CCSER1: variants seen among roughly 807,000 people sequenced by gnomAD.
CCSER1 encodes serine-rich coiled-coil domain-containing protein 1.
CCSER1 carries 41 observed loss-of-function variants against 82.0 expected under a neutral mutation model. The observed-to-expected ratio is 0.50, with a 90% CI of 0.39 to 0.65. CCSER1 has a LOEUF of 0.65. Among genes scored for constraint, CCSER1 ranks in the 30% least tolerant of loss-of-function variants. The pLI is 0.00. For synonymous variants in CCSER1, 414 were observed against 383.9 expected, an observed-to-expected ratio of 1.08 and a Z score of -0.92; for missense variants, 1,119 against 1,064.2, an observed-to-expected ratio of 1.05 and a Z score of -0.72.
chr4:90,587,361 C>G (rs1195907333), intron 5 of CCSER1, among the ~76,000 whole-genome samples: 1 of 152,098 alleles, frequency 6.6e-6, no homozygotes, highest in Non-Finnish European at 1.5e-5. Context: ...CCTGTAATTC[C>G]AGCACTTTGG....
intron 8 of CCSER1, among the ~76,000 whole-genome samples, chr4:90,892,372 A>G (rs1030317405): frequency 5.3e-5 from 8 of 152,066 alleles, no homozygotes; most frequent in Non-Finnish European, 1.0e-4. Flanking sequence ...AAAGTCACAT[A>G]AAGCTGTAAA....
intron 10 of CCSER1, among the ~76,000 whole-genome samples, chr4:91,264,316 T>TA (rs563043247): frequency 2.2e-4 from 33 of 151,828 alleles, no homozygotes; most frequent in African/African-American, 7.7e-4. Context: ...GCTTGCACAA[T>TA]AAAAAAATCA....
chr4:91,002,686 T>C (rs1255130331), intron 9 of CCSER1, among the ~76,000 whole-genome samples: 2 of 152,194 alleles, frequency 1.3e-5, no homozygotes, highest in Non-Finnish European at 1.5e-5. Flanking sequence ...AGATTGGGCT[T>C]TGCCTTTCTC....
chr4:91,013,550 T>A lies in CCSER1; in HGVS notation c.2173-72400T>A, dbSNP rs1434496629. Among the ~76,000 whole-genome samples the A allele has an allele frequency of 1.2e-4, 16 of 130,800 alleles. 3 individuals carry two copies. The highest frequency in any genetic ancestry group is 2.3e-4 in the African/African-American group (9 of 39,774). The allele number at this position is 130,800 out of a possible 152,430, so 85.8% of individuals were successfully genotyped here. ...TCTCAAGACATATATATATATATAT[T>A]TTTTTGCTAGTCTGTCTGTTTCCAT... On this transcript the variant is annotated intron_variant, in intron 9 of 10. Transcript: ENST00000509176.
intron 5 of CCSER1, among the ~76,000 whole-genome samples, chr4:90,599,680 C>T (rs531369354): frequency 6.6e-6 from 1 of 152,296 alleles, no homozygotes; most frequent in South Asian, 2.1e-4. Flanking sequence ...AGTTTCTGTG[C>T]TCCACAGGGT....
chr4:90,712,645 G>A (rs554751419), intron 6 of CCSER1, among the ~76,000 whole-genome samples: 95 of 151,482 alleles, frequency 6.3e-4, no homozygotes, highest in African/African-American at 2.0e-3. Flanking sequence ...GTAGATATCC[G>A]TCAGGTCCAC....
Position 91,598,830 on chromosome 4 carries a change from G to A in CCSER1, c.2476G>A (p.Gly826Arg), listed in dbSNP as rs1040010716. ...TACACAGAACTTACGGGCCACCGTT[G>A]GGCAGAGCTCTCTGAAGCCAACAGC... ...DVTQNLRATV[G>R]QSSLKPTAKT... The change falls in exon 11 of 11, where the codon GGG (glycine) becomes AGG (arginine). Residue 826 changes from glycine (G) to arginine (R), a missense_variant. By Grantham distance (125) the Gly-to-Arg change is moderately radical (BLOSUM62 -2). Transcript: ENST00000509176. 5.8e-6 allele frequency: 9 copies of A among 1,551,552 alleles called. No individual in the cohort carries two copies. In the East Asian group the frequency reaches 2.2e-4, roughly 38 times the overall value.
At chr4:90,287,507 C>G (rs555206781) in intron 1 of CCSER1, among the ~76,000 whole-genome samples, 1 of 151,722 alleles carries the variant, frequency 6.6e-6, no homozygotes, top group African/African-American at 2.4e-5. Flanking sequence ...CCTCACTGTT[C>G]TGCATTATTT....
chr4:91,271,735 C>T (rs1426513470), intron 10 of CCSER1, among the ~76,000 whole-genome samples: 6 of 151,570 alleles, frequency 4.0e-5, no homozygotes, highest in African/African-American at 7.3e-5. Flanking sequence ...ACATATGATA[C>T]ACATATATAT....
intron 10 of CCSER1, among the ~76,000 whole-genome samples, chr4:91,438,515 A>C (rs548977591): frequency 2.0e-5 from 3 of 152,176 alleles, no homozygotes; most frequent in African/African-American, 7.2e-5. Flanking sequence ...AAAGTAGATA[A>C]AACCACAAAG....
Position 90,557,216 on chromosome 4 carries a change from G to A in CCSER1, c.1725-70809G>A, listed in dbSNP as rs918117029. Among the ~76,000 whole-genome samples the A allele has an allele frequency of 5.3e-5, 8 of 151,792 alleles. No individual in the cohort carries two copies. The East Asian group carries it at 5.8e-4, about 11-fold the overall frequency. On this transcript the variant is annotated intron_variant, in intron 5 of 10. Coordinates refer to ENST00000509176, the MANE Select transcript of CCSER1 (RefSeq NM_001145065.2). ...CAAAAGTAAACTAAAATTGCTCAGC[G>A]GATAATACCTGTATTCCATTTGGAA...
At chr4:90,951,440 A>C (rs1489618913) in intron 9 of CCSER1, 1 of 152,090 alleles carries the variant, frequency 6.6e-6, no homozygotes, top group East Asian at 1.9e-4. Context: ...AAAAGTAAGG[A>C]AACTTTTTTC....
chr4:90,360,492 T>G lies in CCSER1; in HGVS notation c.1510-39544T>G, dbSNP rs13119715. 9.1e-3 allele frequency among the ~76,000 whole-genome samples: 1,311 copies of G among 143,930 alleles called. 9 individuals are homozygous for G. Among genetic ancestry groups the G allele is most frequent in the Middle Eastern group, 0.016 (4 of 252 alleles). 94.4% of individuals were successfully genotyped at this position (143,930 alleles called of 152,430 possible). A position where few individuals can be genotyped will look rare whatever the true frequency, so the allele number is the denominator to read the frequency against. ...TCGGGAGGCTGAGGCAGGAGAATGG[T>G]GTGAACCCGGGAGGCAGAGCTTGCA... is the stretch of plus-strand genomic sequence containing the variant. On this transcript the variant is annotated intron_variant, in intron 3 of 10. Coordinates refer to ENST00000509176, the MANE Select transcript of CCSER1 (RefSeq NM_001145065.2).
At chr4:90,861,085 G>T (rs1765029941) in intron 8 of CCSER1, among the ~76,000 whole-genome samples, 1 of 151,634 alleles carries the variant, frequency 6.6e-6, no homozygotes, top group Non-Finnish European at 1.5e-5. Context: ...GATGAATTAG[G>T]ATATGTGCCA....
intron 10 of CCSER1, among the ~76,000 whole-genome samples, chr4:91,206,901 T>G (rs1736394319): frequency 6.6e-6 from 1 of 151,892 alleles, no homozygotes; most frequent in Non-Finnish European, 1.5e-5. Context: ...TGGGCATTAT[T>G]TATATCCTAT....
chr4:91,031,259 A>T (rs536730216), intron 9 of CCSER1, among the ~76,000 whole-genome samples: 1 of 152,256 alleles, frequency 6.6e-6, no homozygotes, highest in Admixed American at 6.5e-5. Context: ...AAGCTTACAA[A>T]TTTATTAGGT....
intron 9 of CCSER1, among the ~76,000 whole-genome samples, chr4:91,047,184 GACTT>G (rs1277215918): frequency 7.2e-6 from 1 of 139,408 alleles, no homozygotes; most frequent in Non-Finnish European, 1.5e-5. Context: ...GCAGTGAGCT[GACTT>G]ACTTTTCAGT....
intron 1 of CCSER1, among the ~76,000 whole-genome samples, chr4:90,256,184 A>C (rs1723253630): frequency 6.6e-6 from 1 of 152,122 alleles, no homozygotes; most frequent in South Asian, 2.1e-4. Context: ...TGAGTAATGG[A>C]GGAGCCAATT....
chr4:91,475,350 T>C (rs1171053003), intron 10 of CCSER1, among the ~76,000 whole-genome samples: 1 of 151,952 alleles, frequency 6.6e-6, no homozygotes, highest in Non-Finnish European at 1.5e-5. Flanking sequence ...AAAATTTTAA[T>C]GTGATTTCAG....
Sources: allele counts gnomAD v4.1 joint callset (sites outside exome capture counted in the v4.1 genomes callset), GRCh38; gene constraint gnomAD v4.1.1; transcripts MANE v1.5; gene names NCBI Gene and HGNC (gene_info 2026-07-23, HGNC 2026-07-21).